Variants in KLF7 observed in about 807,000 individuals in gnomAD.
KLF7 encodes Krueppel-like factor 7.
KLF7 carries 2 observed loss-of-function variants against 27.3 expected under a neutral mutation model. The observed-to-expected ratio is 0.07, with a 90% confidence interval of 0.03 to 0.23. The LOEUF is 0.23. KLF7 is among the 10% of genes least tolerant of loss of function. KLF7 has a pLI of 1.00. For synonymous variants in KLF7, 165 were observed against 162.4 expected (o/e 1.02, Z -0.12); for missense variants, 221 against 394.1 (o/e 0.56, Z 3.72).
upstream of KLF7, among the ~76,000 whole-genome samples, chr2:207,168,462 G>A (rs1287074496): frequency 6.6e-6 from 1 of 152,182 alleles, no homozygotes; most frequent in Admixed American, 6.5e-5. Flanking sequence ...CCTGGAAGTG[G>A]TCAAGCAGGG....
At chr2:207,118,604 C>T (rs1280990273) in intron 2 of KLF7, among the ~76,000 whole-genome samples, 2 of 152,174 alleles carry the variant, frequency 1.3e-5, no homozygotes, top group African/African-American at 4.8e-5. Flanking sequence ...AATCCTTGCC[C>T]AACCATCTAT....
intron 2 of KLF7, among the ~76,000 whole-genome samples, chr2:207,106,262 C>T (rs2076880847): frequency 6.6e-6 from 1 of 152,162 alleles, no homozygotes; most frequent in Non-Finnish European, 1.5e-5. Flanking sequence ...ATTACTCTAG[C>T]TACAAAATGG....
At chr2:207,166,169 G>T, upstream of KLF7, 8 of 985,830 alleles carry the variant, frequency 8.1e-6, no homozygotes, top group Non-Finnish European at 8.4e-6. Flanking sequence ...CGAGGAGGGC[G>T]TCCATTAGGC....
rs1057511701 is a variant in KLF7 at position 207,077,129 on chromosome 2, C to A, written c.*4084G>T. The A allele has an allele frequency of 6.6e-6, 1 of 152,170 alleles. No individual in the cohort carries two copies. Among genetic ancestry groups the A allele is most frequent in the Non-Finnish European group, 1.5e-5 (1 of 68,044 alleles). The allele number at this position is 152,170 out of a possible 1,614,324, so 9.4% of individuals were successfully genotyped here. The stretch of plus-strand genomic sequence containing the variant: ...TACTTAACATTTTATGAAGTGACTT[C>A]CATAAAGGAAACCATTTTGAACCAT... On this transcript the variant is annotated 3_prime_UTR_variant, in exon 4 of 4. Transcript: ENST00000309446.
At chr2:207,099,481 CA>C (rs946563453) in intron 2 of KLF7, among the ~76,000 whole-genome samples, 4 of 141,424 alleles carry the variant, frequency 2.8e-5, no homozygotes, top group African/African-American at 1.1e-4. Context: ...TTTTGCTAAC[CA>C]AAAATTTAGA....
rs955843477 is a variant in KLF7 at position 207,165,629 on chromosome 2, T to C, written c.-61A>G. The C allele has an allele frequency of 1.1e-5, 17 of 1,608,780 alleles. No individual in the cohort carries two copies. Among genetic ancestry groups the C allele is most frequent in the Non-Finnish European group, 1.4e-5 (17 of 1,177,826 alleles). The stretch of plus-strand genomic sequence containing the variant: ...TCCCCCGAACACAGTTGGGGCTGTT[T>C]GTTTGTCAGTCTGTCTGGCTCACCC... On this transcript the variant is annotated 5_prime_UTR_variant, in exon 1 of 4. Transcript: ENST00000309446.
intron 2 of KLF7, among the ~76,000 whole-genome samples, chr2:207,120,396 G>A (rs2077305490): frequency 6.6e-6 from 1 of 152,172 alleles, no homozygotes; most frequent in African/African-American, 2.4e-5. Flanking sequence ...TTATGCATAT[G>A]AGAGGAAGAC....
Position 207,077,919 on chromosome 2 carries a change from G to A in KLF7, c.*3294C>T, listed in dbSNP as rs2105834978. 1 of 152,326 alleles carries A rather than the reference G, an allele frequency of 6.6e-6. No individual in the cohort carries two copies. The highest frequency in any genetic ancestry group is 3.4e-3 in the Middle Eastern group (1 of 294). The allele number at this position is 152,326 out of a possible 1,614,324, so 9.4% of individuals were successfully genotyped here. ...GCCGGGTTTTTCCTTTCAAATTTGG[G>A]ATCCCCTGGAGGGTTAGGAGGTAAC... On this transcript the variant is annotated 3_prime_UTR_variant, in exon 4 of 4. Coordinates refer to ENST00000309446, the MANE Select transcript of KLF7 (RefSeq NM_003709.4).
At chr2:207,172,295 T>C in the KLF7 span, among the ~76,000 whole-genome samples, 42 of 152,194 alleles carry the variant, frequency 2.8e-4, no homozygotes, top group Admixed American at 2.0e-4. Flanking sequence ...ACAGGCCTTG[T>C]TAAGTTTCCA....
intron 1 of KLF7, among the ~76,000 whole-genome samples, chr2:207,151,024 AGG>A (rs2078229839): frequency 7.4e-6 from 1 of 134,296 alleles, no homozygotes. Context: ...AAAGGAAGAA[AGG>A]AAGGGAGGGA....
At chr2:207,110,280 T>C (rs543185331) in intron 2 of KLF7, among the ~76,000 whole-genome samples, 1 of 152,240 alleles carries the variant, frequency 6.6e-6, no homozygotes, top group Non-Finnish European at 1.5e-5. Context: ...CAGTGAATAG[T>C]AGGAAATGTA....
intron 3 of KLF7, among the ~76,000 whole-genome samples, chr2:207,082,979 T>C (rs988343690): frequency 6.6e-6 from 1 of 152,062 alleles, no homozygotes; most frequent in Non-Finnish European, 1.5e-5. Flanking sequence ...GAAAACCACA[T>C]AAAAATGCGA....
At chr2:207,134,026 C>A (rs1285001558) in intron 1 of KLF7, 3 of 1,495,996 alleles carry the variant, frequency 2.0e-6, no homozygotes, top group Non-Finnish European at 2.7e-6. Context: ...CACACACACT[C>A]ACACACCCTC....
upstream of KLF7, among the ~76,000 whole-genome samples, chr2:207,168,364 C>CT (rs2106167699): frequency 6.6e-6 from 1 of 152,286 alleles, no homozygotes; most frequent in Admixed American, 6.5e-5. Flanking sequence ...CTCATTTAAT[C>CT]TTAAGGACAG....
intron 1 of KLF7, among the ~76,000 whole-genome samples, chr2:207,135,451 T>C (rs899206787): frequency 6.6e-6 from 1 of 151,098 alleles, no homozygotes; most frequent in African/African-American, 2.4e-5. Context: ...AAGGTTTAAT[T>C]TCCTGCTTCA....
chr2:207,155,803 G>C (rs76650828), intron 1 of KLF7, among the ~76,000 whole-genome samples: 227 of 152,292 alleles, frequency 1.5e-3, no homozygotes, highest in African/African-American at 5.4e-3. Context: ...CACTAACATG[G>C]TCTGTAGTGC....
upstream of KLF7, chr2:207,167,219 T>G: frequency 7.9e-7 from 1 of 1,266,240 alleles, no homozygotes. Flanking sequence ...GGAGTTGGGA[T>G]GTAGACATAG....
At chr2:207,126,105 C>T (rs1413268753) in intron 1 of KLF7, among the ~76,000 whole-genome samples, 5 of 152,108 alleles carry the variant, frequency 3.3e-5, no homozygotes, top group African/African-American at 1.2e-4. Flanking sequence ...ACATTAGAAA[C>T]CAGTATGATG....
intron 1 of KLF7, among the ~76,000 whole-genome samples, chr2:207,144,358 G>A (rs2078037554): frequency 6.6e-6 from 1 of 152,152 alleles, no homozygotes; most frequent in Non-Finnish European, 1.5e-5. Flanking sequence ...AGCATCCACT[G>A]TCAATCATTT....
Sources: gnomAD v4.1 joint callset for allele counts (sites outside exome capture counted in the v4.1 genomes callset) on GRCh38, gnomAD v4.1.1 for gene constraint, MANE v1.5 for transcripts, NCBI Gene and HGNC (gene_info 2026-07-23, HGNC 2026-07-21) for gene names.